DDAH1: variants seen among roughly 807,000 people sequenced by gnomAD.
DDAH1 encodes N(G),N(G)-dimethylarginine dimethylaminohydrolase 1.
DDAH1 carries 19 observed loss-of-function variants against 28.8 expected under a neutral mutation model. The ratio of observed to expected loss-of-function variants is 0.66; its 90% CI spans 0.46 to 0.97. The LOEUF (loss-of-function observed/expected upper bound fraction) is 0.97. DDAH1 is among the 50% of genes least tolerant of loss of function. The probability of loss-of-function intolerance (pLI) is 0.00; values close to 1 mark genes in which losing one functional copy is unlikely to be tolerated. For missense variants in DDAH1, 326 were observed against 375.9 expected (o/e 0.87, Z 1.10); for synonymous variants, 153 against 154.4 (o/e 0.99, Z 0.07).
intron 1 of DDAH1, among the ~76,000 whole-genome samples, chr1:85,432,265 C>T (rs1460913067): frequency 6.6e-6 from 1 of 152,146 alleles, no homozygotes; most frequent in East Asian, 1.9e-4. Context: ...GCCTCTTCAT[C>T]TCCCATTTTT....
rs190940522 is a variant in DDAH1, at chr1:85,366,084, G to A, written c.304-7237C>T. 3.4e-3 allele frequency among the ~76,000 whole-genome samples: 510 copies of A among 151,088 alleles called. 2 individuals are homozygous for A. Among genetic ancestry groups the A allele is most frequent in the African/African-American group, 0.012 (487 of 40,952 alleles). ...CCTCTGGGAACTGAGAGCAATTCTC[G>A]GCTGATAGCTGGTAAAAAAAAAAAA... On this transcript the variant is annotated intron_variant, in intron 1 of 5. Transcript: ENST00000284031.
At chr1:85,561,339 T>C (rs979230652) in intron 1 of DDAH1, among the ~76,000 whole-genome samples, 1 of 152,108 alleles carries the variant, frequency 6.6e-6, no homozygotes, top group African/African-American at 2.4e-5. Context: ...TACTATACTA[T>C]GGCTAGAGGA....
chr1:85,425,043 G>C (rs1523994), intron 1 of DDAH1, among the ~76,000 whole-genome samples: 4 of 151,912 alleles, frequency 2.6e-5, no homozygotes, highest in Admixed American at 6.6e-5. Flanking sequence ...AGCCTTCAAT[G>C]TTTCAATTAT....
intron 1 of DDAH1, among the ~76,000 whole-genome samples, chr1:85,445,793 G>A (rs180918438): frequency 2.6e-5 from 4 of 152,110 alleles, no homozygotes; most frequent in Admixed American, 1.3e-4. Flanking sequence ...AAGAGACAGG[G>A]TCTCTTCATG....
chr1:85,465,124 A>G lies in DDAH1; in HGVS notation c.-79T>C, dbSNP rs1655315742. On this transcript the variant is annotated 5_prime_UTR_variant, in exon 1 of 6. Transcript: ENST00000284031. ...GCGGGCAGCGCGCGCTGAGCCTGCGAGCGCCCGTCGGCTCCTCTTGGCAGC... is the reference window on the plus strand; with the variant it reads ...GCGGGCAGCGCGCGCTGAGCCTGCGGGCGCCCGTCGGCTCCTCTTGGCAGC... The G allele has an allele frequency of 3.4e-6, 4 of 1,174,576 alleles. No homozygotes were observed. The highest frequency in any genetic ancestry group is 4.2e-6 in the Non-Finnish European group (4 of 952,222). 72.8% of individuals were successfully genotyped at this position (1,174,576 alleles called of 1,614,324 possible).
intron 1 of DDAH1, among the ~76,000 whole-genome samples, chr1:85,510,280 T>A (rs1256832433): frequency 1.3e-5 from 2 of 152,118 alleles, no homozygotes; most frequent in African/African-American, 4.8e-5. Flanking sequence ...AATAAAATCC[T>A]TTACAGACAA....
chr1:85,449,209 G>A (rs1037675631), intron 1 of DDAH1, among the ~76,000 whole-genome samples: 1 of 152,202 alleles, frequency 6.6e-6, no homozygotes, highest in Non-Finnish European at 1.5e-5. Flanking sequence ...TAGGCTGAGG[G>A]CACAGGCCAG....
At chr1:85,331,665 T>C (rs1647775549) in intron 4 of DDAH1, among the ~76,000 whole-genome samples, 1 of 152,230 alleles carries the variant, frequency 6.6e-6, no homozygotes, top group African/African-American at 2.4e-5. Flanking sequence ...TAGCTATGGA[T>C]AACATTCTAA....
intron 1 of DDAH1, among the ~76,000 whole-genome samples, chr1:85,537,315 C>G (rs1187449544): frequency 6.6e-6 from 1 of 151,554 alleles, no homozygotes; most frequent in Non-Finnish European, 1.5e-5. Flanking sequence ...GCCTAGGTGA[C>G]AGAGTGAGGA....
intron 2 of DDAH1, among the ~76,000 whole-genome samples, chr1:85,485,445 T>G (rs571941952): frequency 2.6e-5 from 4 of 152,258 alleles, no homozygotes; most frequent in African/African-American, 9.6e-5. Context: ...TTTTGCAGAT[T>G]TGGTAACTGC....
chr1:85,397,053 G>T (rs11161609), intron 1 of DDAH1, among the ~76,000 whole-genome samples: 87,442 of 150,868 alleles, frequency 0.58, 25,521 homozygotes, highest in African/African-American at 0.63. Flanking sequence ...AAAAAAAAAG[G>T]TTTTTCAAAA....
At chr1:85,355,178 G>A (rs1024679420) in intron 2 of DDAH1, among the ~76,000 whole-genome samples, 4 of 151,882 alleles carry the variant, frequency 2.6e-5, no homozygotes, top group East Asian at 1.9e-4. Context: ...AAAATGGAAC[G>A]CATCAAAACT....
At chr1:85,501,639 C>T (rs1265044796) in intron 1 of DDAH1, among the ~76,000 whole-genome samples, 2 of 152,192 alleles carry the variant, frequency 1.3e-5, no homozygotes, top group East Asian at 3.9e-4. Flanking sequence ...CCATTATCAA[C>T]TTGGGCTCCA....
intron 1 of DDAH1, among the ~76,000 whole-genome samples, chr1:85,380,020 G>C (rs1221002747): frequency 6.6e-6 from 1 of 152,114 alleles, no homozygotes; most frequent in African/African-American, 2.4e-5. Flanking sequence ...ACAACAGAGA[G>C]CTCATTGGTT....
intron 1 of DDAH1, among the ~76,000 whole-genome samples, chr1:85,570,049 T>C (rs1451484029): frequency 6.6e-6 from 1 of 152,168 alleles, no homozygotes; most frequent in East Asian, 1.9e-4. Context: ...GGAGGGCACA[T>C]CTCAGTTTCT....
intron 1 of DDAH1, among the ~76,000 whole-genome samples, chr1:85,534,047 A>G (rs1658183075): frequency 6.6e-6 from 1 of 152,200 alleles, no homozygotes; most frequent in Non-Finnish European, 1.5e-5. Context: ...GAGTGAATGA[A>G]TCAGTCAATC....
intron 1 of DDAH1, among the ~76,000 whole-genome samples, chr1:85,420,956 G>T (rs1653115408): frequency 6.6e-6 from 1 of 152,224 alleles, no homozygotes. Flanking sequence ...TCTGCTTCTA[G>T]GGAGGCCTTG....
chr1:85,332,075 G>A (rs191800843), intron 4 of DDAH1, among the ~76,000 whole-genome samples: 19 of 152,312 alleles, frequency 1.2e-4, no homozygotes, highest in Admixed American at 5.2e-4. Flanking sequence ...TGGTATTCCC[G>A]GGGTCCGTGT....
At chr1:85,441,539 C>CAAA (rs10677714) in intron 1 of DDAH1, among the ~76,000 whole-genome samples, 5 of 150,910 alleles carry the variant, frequency 3.3e-5, no homozygotes, top group Non-Finnish European at 3.0e-5. Flanking sequence ...GACCCCATCT[C>CAAA]AAAAAAGAAA....
Sources: gnomAD v4.1 joint callset for allele counts (sites outside exome capture counted in the v4.1 genomes callset) on GRCh38, gnomAD v4.1.1 for gene constraint, MANE v1.5 for transcripts, NCBI Gene and HGNC (gene_info 2026-07-23, HGNC 2026-07-21) for gene names.